Variants in SPOCK3 observed in about 807,000 individuals in gnomAD.
SPOCK3 encodes the protein SPARC (osteonectin), cwcv and kazal like domains proteoglycan 3.
Under a neutral mutation model 56.6 loss-of-function variants are expected in SPOCK3, and 30 were observed. That is an observed-to-expected ratio of 0.53 (90% CI 0.40 to 0.72). The LOEUF (loss-of-function observed/expected upper bound fraction) is 0.72. SPOCK3 is among the 30% of genes least tolerant of loss of function. The probability of loss-of-function intolerance (pLI) is 0.00; values close to 1 mark genes in which losing one functional copy is unlikely to be tolerated. For missense variants in SPOCK3, 527 were observed against 530.0 expected (o/e 0.99, Z 0.06); for synonymous variants, 196 against 183.3 (o/e 1.07, Z -0.56).
rs75925418 is a variant in SPOCK3, at chr4:166,866,929, A to T, written c.589+22201T>A. Among the ~76,000 whole-genome samples, 122 of 152,220 alleles carry T rather than the reference A, an allele frequency of 8.0e-4. 2 individuals carry two copies. In the East Asian group the frequency reaches 0.014, roughly 17 times the overall value. On this transcript the variant is annotated intron_variant, in intron 6 of 10. Transcript: ENST00000357545. The stretch of plus-strand genomic sequence containing the variant: ...AAATATAGTTAAAAACATGATCCTT[A>T]AAACAAATTATTTATCGTACACAAA...
intron 2 of SPOCK3, among the ~76,000 whole-genome samples, chr4:167,181,013 T>C (rs543803718): frequency 3.9e-5 from 6 of 152,198 alleles, no homozygotes; most frequent in Non-Finnish European, 7.4e-5. Flanking sequence ...CACTGATTCA[T>C]AATTATTAAT....
intron 6 of SPOCK3, among the ~76,000 whole-genome samples, chr4:166,814,772 C>T (rs1019780704): frequency 7.9e-5 from 12 of 152,052 alleles, no homozygotes; most frequent in Admixed American, 2.6e-4. Context: ...GCTGGGACTT[C>T]GCCTTGTGAT....
chr4:166,737,124 C>T (rs920665186), intron 10 of SPOCK3, among the ~76,000 whole-genome samples: 17 of 151,910 alleles, frequency 1.1e-4, no homozygotes, highest in Admixed American at 6.6e-4. Flanking sequence ...TCTGAAGACA[C>T]GATAAATAGA....
chr4:167,098,765 C>A (rs1051078986), intron 2 of SPOCK3, among the ~76,000 whole-genome samples: 9 of 152,020 alleles, frequency 5.9e-5, no homozygotes, highest in East Asian at 3.9e-4. Context: ...GGTGGGTTAA[C>A]TCTCACTCTT....
intron 6 of SPOCK3, among the ~76,000 whole-genome samples, chr4:166,827,636 T>C (rs1745614885): frequency 6.6e-6 from 1 of 152,044 alleles, no homozygotes; most frequent in Non-Finnish European, 1.5e-5. Flanking sequence ...TATAACAGCA[T>C]CATTTTAAGT....
intron 6 of SPOCK3, among the ~76,000 whole-genome samples, chr4:166,825,749 G>T (rs2126776792): frequency 6.6e-6 from 1 of 152,208 alleles, no homozygotes; most frequent in East Asian, 1.9e-4. Context: ...GCAACAACTG[G>T]ATGGAGCTGG....
chr4:167,166,041 C>T (rs1765730555), intron 2 of SPOCK3, among the ~76,000 whole-genome samples: 1 of 152,006 alleles, frequency 6.6e-6, no homozygotes, highest in African/African-American at 2.4e-5. Flanking sequence ...TGACAAGTTA[C>T]TGCTCAAAAT....
intron 4 of SPOCK3, among the ~76,000 whole-genome samples, chr4:166,992,557 A>C (rs1579928651): frequency 6.6e-6 from 1 of 152,300 alleles, no homozygotes; most frequent in East Asian, 1.9e-4. Flanking sequence ...AAAGGCACCT[A>C]CTACATATTT....
At chr4:167,037,893 T>TTTG (rs757454587) in intron 3 of SPOCK3, among the ~76,000 whole-genome samples, 39 of 152,312 alleles carry the variant, frequency 2.6e-4, no homozygotes, top group African/African-American at 8.4e-4. Flanking sequence ...TAAAAAACTT[T>TTTG]TTGTTGTTGT....
chr4:166,867,283 G>A (rs992108617), intron 6 of SPOCK3, among the ~76,000 whole-genome samples: 20 of 151,794 alleles, frequency 1.3e-4, no homozygotes, highest in East Asian at 5.8e-4. Context: ...ATAATTTCTC[G>A]GATAAAGTGA....
chr4:167,153,149 G>A (rs1488477973), intron 2 of SPOCK3, among the ~76,000 whole-genome samples: 1 of 152,034 alleles, frequency 6.6e-6, no homozygotes, highest in Non-Finnish European at 1.5e-5. Context: ...CTTGCCTAAG[G>A]TTACCACCAC....
chr4:167,018,577 T>C (rs529520173), intron 3 of SPOCK3, among the ~76,000 whole-genome samples: 121 of 152,236 alleles, frequency 7.9e-4, no homozygotes, highest in Non-Finnish European at 1.4e-3. Flanking sequence ...TTCTTCCTCT[T>C]CCGGCATGCT....
At chr4:166,822,620 T>C (rs1331919525) in intron 6 of SPOCK3, among the ~76,000 whole-genome samples, 3 of 152,032 alleles carry the variant, frequency 2.0e-5, no homozygotes, top group Non-Finnish European at 2.9e-5. Flanking sequence ...AAAGGCACTA[T>C]TGCACTCCGT....
At chr4:166,975,653 T>G (rs1745863315) in intron 4 of SPOCK3, among the ~76,000 whole-genome samples, 1 of 152,080 alleles carries the variant, frequency 6.6e-6, no homozygotes, top group African/African-American at 2.4e-5. Flanking sequence ...TGCCCTCATC[T>G]CCTACTTCCC....
intron 6 of SPOCK3, among the ~76,000 whole-genome samples, chr4:166,799,163 G>A (rs1363363698): frequency 6.6e-6 from 1 of 152,154 alleles, no homozygotes; most frequent in Non-Finnish European, 1.5e-5. Context: ...TACTGCAGGA[G>A]CAATAGTTTA....
rs1429317947 is a variant in SPOCK3, at chr4:166,786,633, C to G, written c.709+5537G>C. 5.3e-5 allele frequency among the ~76,000 whole-genome samples: 8 copies of G among 152,268 alleles called. No homozygotes were observed. The South Asian group carries it at 1.7e-3, about 32-fold the overall frequency. On this transcript the variant is annotated intron_variant, in intron 7 of 10. Transcript: ENST00000357545. ...AAATAGGTTAAAGTCTAAAGACTAACTTAAATATAACAAGTAGTCAATTCT... is the reference window on the plus strand; with the variant it reads ...AAATAGGTTAAAGTCTAAAGACTAAGTTAAATATAACAAGTAGTCAATTCT...
intron 2 of SPOCK3, among the ~76,000 whole-genome samples, chr4:167,177,294 T>A (rs1486379421): frequency 6.8e-6 from 1 of 147,404 alleles, no homozygotes; most frequent in East Asian, 2.0e-4. Flanking sequence ...CTAACAGCAC[T>A]TTTTTTTTTC....
At chr4:167,154,675 C>G (rs1319708542) in intron 2 of SPOCK3, among the ~76,000 whole-genome samples, 2 of 152,126 alleles carry the variant, frequency 1.3e-5, no homozygotes, top group Non-Finnish European at 2.9e-5. Context: ...TGGGATTCAA[C>G]AAAAATTGAA....
chr4:166,961,178 A>G lies in SPOCK3; in HGVS notation c.350+39171T>C, dbSNP rs116818620. 4.0e-3 allele frequency among the ~76,000 whole-genome samples: 604 copies of G among 152,180 alleles called. 6 individuals carry two copies. Among genetic ancestry groups the G allele is most frequent in the African/African-American group, 0.012 (508 of 41,544 alleles). ...AAATAATCTAATCACATTTATACCC[A>G]TGAAATTCACAGCATTTTAAAACAT... On this transcript the variant is annotated intron_variant, in intron 4 of 10. Coordinates refer to ENST00000357545, the MANE Select transcript of SPOCK3 (RefSeq NM_001040159.2).
Sources: allele counts gnomAD v4.1 joint callset (sites outside exome capture counted in the v4.1 genomes callset), GRCh38; gene constraint gnomAD v4.1.1; transcripts MANE v1.5; gene names NCBI Gene and HGNC (gene_info 2026-07-23, HGNC 2026-07-21).